Variants in RAB1A observed in about 807,000 individuals in gnomAD.
RAB1A encodes the protein ras-related protein Rab-1A.
Under a neutral mutation model 26.0 loss-of-function variants are expected in RAB1A, and 2 were observed. The ratio of observed to expected loss-of-function variants is 0.08; its 90% CI spans 0.03 to 0.24. The LOEUF is 0.24. Ranked by LOEUF, RAB1A falls within the 10% of genes least tolerant of loss-of-function variation. RAB1A has a pLI of 1.00. For synonymous variants in RAB1A, 84 were observed against 84.9 expected (o/e 0.99, Z 0.06); for missense variants, 100 against 247.0 (o/e 0.40, Z 3.99).
intron 1 of RAB1A, among the ~76,000 whole-genome samples, chr2:65,118,914 T>C (rs926630498): frequency 6.6e-6 from 1 of 152,084 alleles, no homozygotes; most frequent in Non-Finnish European, 1.5e-5. Flanking sequence ...AAAGGCCAGG[T>C]ACAGTGGCTC....
chr2:65,104,885 T>C, intron 1 of RAB1A, 79 bp from the exon 2 acceptor site: 1 of 1,157,360 alleles, frequency 8.6e-7, no homozygotes. Context: ...AAAACACAGC[T>C]ACAAATAACA....
intron 3 of RAB1A, among the ~76,000 whole-genome samples, chr2:65,093,504 A>G (rs1669216544): frequency 6.6e-6 from 1 of 152,242 alleles, no homozygotes; most frequent in Non-Finnish European, 1.5e-5. Flanking sequence ...GCTGAAAGGA[A>G]AAGATAATTA....
At chr2:65,114,881 T>C (rs1669790222) in intron 1 of RAB1A, among the ~76,000 whole-genome samples, 1 of 151,424 alleles carries the variant, frequency 6.6e-6, no homozygotes, top group Non-Finnish European at 1.5e-5. Context: ...AAAACCAGTT[T>C]AAGGATGCAG....
chr2:65,129,808 A>T, intron 1 of RAB1A, 85 bp downstream of exon 1: 1 of 1,541,698 alleles, frequency 6.5e-7, no homozygotes, highest in Non-Finnish European at 8.8e-7. Context: ...CGATGCCCCG[A>T]CTTCTGCCCC....
rs556403796 is a variant in RAB1A at position 65,110,223 on chromosome 2, C to T, written c.24-5417G>A. 1.2e-3 allele frequency among the ~76,000 whole-genome samples: 189 copies of T among 152,016 alleles called. 1 individual carries two copies. The highest frequency in any genetic ancestry group is 0.012 in the Admixed American group (180 of 15,260). The stretch of plus-strand genomic sequence containing the variant: ...TTTGGAGGCTGAGGCGGGCAGATCA[C>T]GAGGTCAGGAGATCGAGACCATCCT... On this transcript the variant is annotated intron_variant, in intron 1 of 5. Transcript: ENST00000409784.
intron 1 of RAB1A, among the ~76,000 whole-genome samples, chr2:65,125,091 T>G (rs1051445987): frequency 4.1e-5 from 6 of 147,418 alleles, no homozygotes; most frequent in Admixed American, 1.4e-4. Context: ...GAGTATAACA[T>G]GAAAGAAGAG....
chr2:65,110,427 C>T (rs1389051984), intron 1 of RAB1A, among the ~76,000 whole-genome samples: 1 of 120,316 alleles, frequency 8.3e-6, no homozygotes, highest in Non-Finnish European at 1.7e-5. Context: ...GGCAGCAGAG[C>T]GAGACCGTCT....
chr2:65,108,804 C>T (rs1669624220), intron 1 of RAB1A, among the ~76,000 whole-genome samples: 1 of 151,958 alleles, frequency 6.6e-6, no homozygotes, highest in South Asian at 2.1e-4. Context: ...GAAACTCCAT[C>T]TCAAAAAAAC....
chr2:65,096,393 AAGAC>A (rs1170669218), intron 3 of RAB1A, among the ~76,000 whole-genome samples: 1 of 152,170 alleles, frequency 6.6e-6, no homozygotes, highest in Non-Finnish European at 1.5e-5. Context: ...TTAAAGATGA[AAGAC>A]AGACAAAGAT....
chr2:65,096,422 T>G (rs535812056), intron 3 of RAB1A, among the ~76,000 whole-genome samples: 1 of 152,316 alleles, frequency 6.6e-6, no homozygotes, highest in South Asian at 2.1e-4. Flanking sequence ...GACAGTGTCC[T>G]ATAAGATCCC....
chr2:65,099,616 G>T (rs929300112), intron 2 of RAB1A, among the ~76,000 whole-genome samples: 1 of 152,154 alleles, frequency 6.6e-6, no homozygotes, highest in Admixed American at 6.5e-5. Flanking sequence ...CTAAGTTTTT[G>T]ATTTTTTCAA....
intron 1 of RAB1A, among the ~76,000 whole-genome samples, chr2:65,107,096 C>T (rs1239071093): frequency 4.0e-5 from 6 of 150,930 alleles, no homozygotes; most frequent in African/African-American, 1.5e-4. Context: ...ACAAGAGTCT[C>T]GCTCTGTTGC....
intron 1 of RAB1A, among the ~76,000 whole-genome samples, chr2:65,123,911 A>AT (rs397797353): frequency 6.6e-6 from 1 of 151,488 alleles, no homozygotes; most frequent in Admixed American, 6.6e-5. Context: ...AAAAAAAAAA[A>AT]CTAAACTAAA....
chr2:65,125,997 G>A (rs1670092723), intron 1 of RAB1A, among the ~76,000 whole-genome samples: 2 of 147,668 alleles, frequency 1.4e-5, no homozygotes, highest in Non-Finnish European at 3.0e-5. Flanking sequence ...TCAGCCTCCC[G>A]AGTAGCTGGG....
chr2:65,091,673 A>G (rs112029776), intron 3 of RAB1A, among the ~76,000 whole-genome samples: 15,723 of 152,100 alleles, frequency 0.1, 1,105 homozygotes, highest in South Asian at 0.19. Context: ...CTACAGGCAC[A>G]TGCCACCACA....
At chr2:65,128,290 A>G (rs556623530) in intron 1 of RAB1A, among the ~76,000 whole-genome samples, 8 of 152,338 alleles carry the variant, frequency 5.3e-5, no homozygotes, top group African/African-American at 1.9e-4. Context: ...ATTTACACTA[A>G]TAAACATATA....
chr2:65,107,507 TAGAC>T (rs1275277694), intron 1 of RAB1A, among the ~76,000 whole-genome samples: 6 of 150,372 alleles, frequency 4.0e-5, no homozygotes, highest in African/African-American at 7.3e-5. Flanking sequence ...TTTTTGTTGT[TAGAC>T]AGTCTCACTC....
At chr2:65,115,436 T>C (rs1019305) in intron 1 of RAB1A, among the ~76,000 whole-genome samples, 124,701 of 152,168 alleles carry the variant, frequency 0.82, 51,188 homozygotes, top group African/African-American at 0.83. Context: ...ACTTTAAGTA[T>C]GCTCCACAGA....
chr2:65,096,162 A>T (rs908155060), intron 3 of RAB1A, among the ~76,000 whole-genome samples: 4 of 151,958 alleles, frequency 2.6e-5, no homozygotes, highest in African/African-American at 9.7e-5. Flanking sequence ...CAAAAAAAAA[A>T]AAATTGTCCG....
Sources: allele counts gnomAD v4.1 joint callset (sites outside exome capture counted in the v4.1 genomes callset), GRCh38; gene constraint gnomAD v4.1.1; transcripts MANE v1.5; gene names NCBI Gene and HGNC (gene_info 2026-07-23, HGNC 2026-07-21).